The following LYN variants were observed in gnomAD, a reference collection of about 807,000 sequenced individuals.
LYN encodes the protein tyrosine-protein kinase Lyn.
In LYN, 12 loss-of-function variants were observed where a neutral mutation model predicts 65.0. The observed-to-expected ratio is 0.18, with a 90% CI of 0.12 to 0.30. LYN has a LOEUF of 0.30. Among genes scored for constraint, LYN ranks in the 10% least tolerant of loss-of-function variants. The pLI, the probability that LYN is intolerant of heterozygous loss-of-function variation, is 1.00. For missense variants in LYN, 380 were observed against 623.2 expected, an observed-to-expected ratio of 0.61 and a Z score of 4.16; for synonymous variants, 222 against 221.2, an observed-to-expected ratio of 1.00 and a Z score of -0.03.
At chr8:55,994,766 A>C (rs1321792479) in intron 10 of LYN, among the ~76,000 whole-genome samples, 1 of 152,126 alleles carries the variant, frequency 6.6e-6, no homozygotes, top group Non-Finnish European at 1.5e-5. Flanking sequence ...TAGGTAGATA[A>C]GTGTCTAAGA....
rs916638934 is a variant in LYN at position 55,898,040 on chromosome 8, T to C, written c.-6+17937T>C. Among the ~76,000 whole-genome samples, 5 of 152,318 alleles carry C rather than the reference T, an allele frequency of 3.3e-5. No homozygotes were observed. In the East Asian group the frequency reaches 7.7e-4, roughly 23 times the overall value. On this transcript the variant is annotated intron_variant, in intron 1 of 12. Transcript: ENST00000519728. ...GTTTTTTAAATCAACTTTAAAATTT[T>C]GCTATATAGCTCTATGAATTTTAAT...
At chr8:55,915,666 A>G (rs1016329943) in intron 1 of LYN, among the ~76,000 whole-genome samples, 4 of 152,226 alleles carry the variant, frequency 2.6e-5, no homozygotes, top group Non-Finnish European at 5.9e-5. Flanking sequence ...AGATTGTGCC[A>G]TTGCACTCCA....
chr8:56,004,495 T>C (rs1232631971), intron 12 of LYN, among the ~76,000 whole-genome samples: 1 of 151,918 alleles, frequency 6.6e-6, no homozygotes, highest in Non-Finnish European at 1.5e-5. Flanking sequence ...GGTTTCACCA[T>C]GTTGGCCAGG....
In LYN at chr8:56,001,179, C is replaced by G. The variant is rs570828285; in HGVS notation, c.1336+1630C>G. On this transcript the variant is annotated intron_variant, in intron 12 of 12. Coordinates refer to ENST00000519728, the MANE Select transcript of LYN (RefSeq NM_002350.4). ...ATGGGGAGAGCAGCCAGAGCATGGG[C>G]TTGGCCAACAGGAGCAGGAGGCCAG... Among the ~76,000 whole-genome samples, 4 of 152,230 alleles carry G rather than the reference C, an allele frequency of 2.6e-5. No individual in the cohort carries two copies. The East Asian group carries it at 7.7e-4, about 29-fold the overall frequency.
intron 10 of LYN, among the ~76,000 whole-genome samples, chr8:55,997,571 G>A (rs374074483): frequency 3.9e-5 from 6 of 152,080 alleles, no homozygotes; most frequent in East Asian, 1.9e-4. Context: ...GGGCTCCACC[G>A]TCCTGATCTA....
chr8:55,940,364 A>AT (rs1428091843), intron 1 of LYN: 1 of 151,952 alleles, frequency 6.6e-6, no homozygotes, highest in Non-Finnish European at 1.5e-5. Context: ...GTGAGATTTT[A>AT]TTTTTTTATT....
chr8:55,941,604 A>G (rs192701216), intron 1 of LYN, among the ~76,000 whole-genome samples: 1 of 152,280 alleles, frequency 6.6e-6, no homozygotes, highest in Non-Finnish European at 1.5e-5. Flanking sequence ...CATCTTTGCC[A>G]CAAGAATACG....
intron 10 of LYN, among the ~76,000 whole-genome samples, chr8:55,979,732 G>A (rs140030453): frequency 2.4e-3 from 364 of 152,274 alleles, no homozygotes; most frequent in African/African-American, 8.1e-3. Flanking sequence ...CCCTGATTCA[G>A]CGTCACCCCA....
intron 12 of LYN, 120 bp from the exon 13 acceptor site, chr8:56,009,788 A>G (rs1043671079): frequency 2.5e-6 from 2 of 793,772 alleles, no homozygotes; most frequent in South Asian, 3.5e-5. Context: ...AGCCTCAGTA[A>G]AGCTTGTTTC....
chr8:55,968,642 G>A (rs1220649774), intron 9 of LYN, among the ~76,000 whole-genome samples: 2 of 152,216 alleles, frequency 1.3e-5, no homozygotes, highest in Admixed American at 6.5e-5. Flanking sequence ...AGTCTTTTCA[G>A]CAGCCTGAGG....
chr8:55,967,397 C>T (rs1172330699), intron 9 of LYN, among the ~76,000 whole-genome samples: 1 of 149,980 alleles, frequency 6.7e-6, no homozygotes, highest in East Asian at 1.9e-4. Context: ...TCACTGCAAC[C>T]CCTGCCTCCC....
chr8:55,973,705 A>G (rs1369106722), intron 10 of LYN, among the ~76,000 whole-genome samples: 1 of 152,236 alleles, frequency 6.6e-6, no homozygotes, highest in Non-Finnish European at 1.5e-5. Flanking sequence ...CAAAGCATTT[A>G]TTACTCTTTG....
intron 8 of LYN, among the ~76,000 whole-genome samples, chr8:55,964,594 C>T (rs534947579): frequency 6.6e-6 from 1 of 152,276 alleles, no homozygotes; most frequent in African/African-American, 2.4e-5. Flanking sequence ...TGGCTGGGCA[C>T]AGTGGCTCAT....
At chr8:55,966,925 G>T (rs1807476239) in intron 9 of LYN, 28 bp downstream of exon 9, 1 of 1,594,618 alleles carries the variant, frequency 6.3e-7, no homozygotes, top group East Asian at 2.2e-5. Flanking sequence ...CCCAGAGCTT[G>T]CAAGGGCTTC....
intron 10 of LYN, among the ~76,000 whole-genome samples, chr8:55,982,970 C>T (rs1409956259): frequency 3.9e-5 from 6 of 152,102 alleles, no homozygotes; most frequent in Admixed American, 3.9e-4. Context: ...TTCTCTCCTC[C>T]CCTAGCTTGG....
intron 6 of LYN, 131 bp downstream of exon 6, chr8:55,950,915 A>G (rs1806924078): frequency 1.5e-6 from 1 of 655,984 alleles, no homozygotes; most frequent in African/African-American, 1.8e-5. Context: ...TGGTTTGATA[A>G]CAAATAACAA....
At chr8:55,996,206 T>C (rs1471404418) in intron 10 of LYN, among the ~76,000 whole-genome samples, 1 of 152,100 alleles carries the variant, frequency 6.6e-6, no homozygotes. Flanking sequence ...TTTGTACACA[T>C]TGACCATCTA....
intron 10 of LYN, among the ~76,000 whole-genome samples, chr8:55,991,217 G>T (rs886099207): frequency 4.6e-4 from 70 of 152,210 alleles, no homozygotes; most frequent in African/African-American, 1.4e-3. Flanking sequence ...GGCCCCAAGG[G>T]TATCTTTGTT....
At chr8:55,973,910 G>A (rs772916318) in intron 10 of LYN, among the ~76,000 whole-genome samples, 2 of 152,178 alleles carry the variant, frequency 1.3e-5, no homozygotes, top group Non-Finnish European at 2.9e-5. Flanking sequence ...GCAAGAATCT[G>A]TCTCTTTAAA....
Sources: gnomAD v4.1 joint callset for allele counts (sites outside exome capture counted in the v4.1 genomes callset) on GRCh38, gnomAD v4.1.1 for gene constraint, MANE v1.5 for transcripts, NCBI Gene and HGNC (gene_info 2026-07-23, HGNC 2026-07-21) for gene names.